Variants in RSF1 observed in about 807,000 individuals in gnomAD.
The protein encoded by RSF1 is remodeling and spacing factor 1.
Under a neutral mutation model 145.2 loss-of-function variants are expected in RSF1, and 13 were observed. The observed-to-expected ratio is 0.09, with a 90% CI of 0.06 to 0.14. The LOEUF (loss-of-function observed/expected upper bound fraction) is 0.14, where lower values mean the gene tolerates loss of function less well. RSF1 is among the 10% of genes least tolerant of loss of function. The pLI, the probability that RSF1 is intolerant of heterozygous loss-of-function variation, is 1.00. For missense variants in RSF1, 1,517 were observed against 1,718.2 expected (o/e 0.88, Z 2.07); for synonymous variants, 577 against 592.6 (o/e 0.97, Z 0.38).
intron 4 of RSF1, among the ~76,000 whole-genome samples, chr11:77,735,281 C>T (rs1289625933): frequency 3.3e-5 from 5 of 152,130 alleles, no homozygotes; most frequent in East Asian, 3.8e-4. Context: ...GAAGTTGCTA[C>T]GTAACAGTAC....
the RSF1 span, chr11:77,866,430 A>T: frequency 6.6e-6 from 1 of 152,236 alleles, no homozygotes; most frequent in Admixed American, 6.5e-5. Flanking sequence ...CAGGTTGAGG[A>T]TGCCTCAATA....
At chr11:77,858,502 C>T in the RSF1 span, among the ~76,000 whole-genome samples, 2 of 151,840 alleles carry the variant, frequency 1.3e-5, no homozygotes, top group African/African-American at 4.8e-5. Context: ...CTCTTTGCTA[C>T]CTGATTGGTT....
intron 5 of RSF1, among the ~76,000 whole-genome samples, chr11:77,709,267 C>A (rs552683550): frequency 6.6e-6 from 1 of 152,170 alleles, no homozygotes; most frequent in Non-Finnish European, 1.5e-5. Flanking sequence ...ATTTTCCTTC[C>A]ACACCTCCTT....
intron 1 of RSF1, among the ~76,000 whole-genome samples, chr11:77,779,531 C>G (rs969909282): frequency 6.6e-6 from 1 of 151,912 alleles, no homozygotes; most frequent in Non-Finnish European, 1.5e-5. Context: ...TACAGGCATG[C>G]GCCACCACGC....
At chr11:77,797,681 G>C (rs1288169373) in intron 1 of RSF1, among the ~76,000 whole-genome samples, 1 of 152,152 alleles carries the variant, frequency 6.6e-6, no homozygotes, top group Non-Finnish European at 1.5e-5. Context: ...TTAAACTAAA[G>C]AGCTTCTTCA....
At chr11:77,838,307 C>T in the RSF1 span, among the ~76,000 whole-genome samples, 1 of 152,072 alleles carries the variant, frequency 6.6e-6, no homozygotes, top group Admixed American at 6.6e-5. Flanking sequence ...GTGAACATAC[C>T]TTGTAGATAT....
chr11:77,788,497 TA>T (rs35227998), intron 1 of RSF1, among the ~76,000 whole-genome samples: 40,615 of 130,208 alleles, frequency 0.31, 6,189 homozygotes, highest in South Asian at 0.52. Context: ...GAAGACAGGT[TA>T]AAAAAAAAAA....
At chr11:77,854,017 C>G in the RSF1 span, among the ~76,000 whole-genome samples, 147,014 of 147,038 alleles carry the variant, frequency 1, 73,495 homozygotes, top group Middle Eastern at 1. Flanking sequence ...TTGAGACAGA[C>G]TCTCGCTCCG....
the RSF1 span, among the ~76,000 whole-genome samples, chr11:77,828,370 C>T: frequency 8.6e-4 from 131 of 151,830 alleles, 2 homozygotes; most frequent in East Asian, 0.022. Context: ...AAAAGAAATA[C>T]AAGAATGAAA....
Position 77,700,899 on chromosome 11 carries a change from C to A in RSF1, c.2330G>T (p.Arg777Ile). The A allele has an allele frequency of 6.2e-7, 1 of 1,613,738 alleles. No individual in the cohort carries two copies. The highest frequency in any genetic ancestry group is 8.5e-7 in the Non-Finnish European group (1 of 1,179,988). ...EKTNVGRTLR[R>I]SPRISRPTAK... ...AGTGGGTCTAGATATTCTTGGAGATCTTCTTAAAGTACGACCCACATTTGT... is the reference window on the plus strand; with the variant it reads ...AGTGGGTCTAGATATTCTTGGAGATATTCTTAAAGTACGACCCACATTTGT... The change falls in exon 6 of 16, where the codon AGA (arginine) becomes ATA (isoleucine). Residue 777 changes from arginine to isoleucine, a missense_variant. Transcript: ENST00000308488.
At chr11:77,711,143 T>TAAAA (rs60863404) in intron 5 of RSF1, among the ~76,000 whole-genome samples, 1,949 of 134,444 alleles carry the variant, frequency 0.014, 48 homozygotes, top group African/African-American at 0.053. Flanking sequence ...ATTTTTAACT[T>TAAAA]AAAAAAAAAA....
the RSF1 span, among the ~76,000 whole-genome samples, chr11:77,838,289 G>A: frequency 3.3e-5 from 5 of 152,138 alleles, no homozygotes; most frequent in Non-Finnish European, 7.3e-5. Context: ...ACTAATCTAA[G>A]TGTTGCTGTG....
intron 15 of RSF1, among the ~76,000 whole-genome samples, 198 bp from the exon 16 acceptor site, chr11:77,667,689 A>G (rs1253247239): frequency 6.6e-6 from 1 of 152,000 alleles, no homozygotes; most frequent in African/African-American, 2.4e-5. Flanking sequence ...TACTTTATTT[A>G]TGATTTTAGA....
At position 77,666,817 on chromosome 11, in the gene RSF1, TAGTGG is replaced by T. The variant is rs1423521077; in HGVS notation, c.*95_*99del. ...AATTTTTCTTCTAAAAGTCATTCTGTAGTGGAGTTTTCTAGGAAAAATTAAACAGC... is the reference window on the plus strand; with the variant it reads ...AATTTTTCTTCTAAAAGTCATTCTGTAGTTTTCTAGGAAAAATTAAACAGC... On this transcript the variant is annotated 3_prime_UTR_variant, in exon 16 of 16. Coordinates refer to ENST00000308488, the MANE Select transcript of RSF1 (RefSeq NM_016578.4). The T allele has an allele frequency of 4.2e-6, 4 of 956,752 alleles. No homozygotes were observed. In the African/African-American group the frequency reaches 6.5e-5, roughly 16 times the overall value. 59.3% of individuals were successfully genotyped at this position (956,752 alleles called of 1,614,324 possible).
chr11:77,699,982 CA>C (rs1344694086), intron 6 of RSF1, among the ~76,000 whole-genome samples: 1 of 152,026 alleles, frequency 6.6e-6, no homozygotes, highest in African/African-American at 2.4e-5. Flanking sequence ...GAAAAACTCA[CA>C]GAAAAATGAA....
chr11:77,855,054 C>T, the RSF1 span, among the ~76,000 whole-genome samples: 1 of 152,190 alleles, frequency 6.6e-6, no homozygotes, highest in Non-Finnish European at 1.5e-5. Context: ...ACCTTGGCCC[C>T]TTTTAACCAT....
intron 4 of RSF1, among the ~76,000 whole-genome samples, chr11:77,737,678 C>G (rs1961399251): frequency 8.3e-6 from 1 of 120,698 alleles, no homozygotes; most frequent in South Asian, 3.0e-4. Context: ...TTAAAAAGAG[C>G]AGAAGCCCAA....
chr11:77,763,531 CA>C (rs1948196774), intron 2 of RSF1: 1 of 152,114 alleles, frequency 6.6e-6, no homozygotes, highest in East Asian at 1.9e-4. Flanking sequence ...TTCTCAAAAT[CA>C]ATTTCCTTGT....
At chr11:77,858,327 T>TTTTTTTTTCAG in the RSF1 span, among the ~76,000 whole-genome samples, 1 of 143,006 alleles carries the variant, frequency 7.0e-6, no homozygotes, top group African/African-American at 2.7e-5. Flanking sequence ...TTTTTTTTTT[T>TTTTTTTTTCAG]GTAGTTGCAA....
Sources: gnomAD v4.1 joint callset for allele counts (sites outside exome capture counted in the v4.1 genomes callset) on GRCh38, gnomAD v4.1.1 for gene constraint, MANE v1.5 for transcripts, NCBI Gene and HGNC (gene_info 2026-07-23, HGNC 2026-07-21) for gene names.